The following PPP1R14C variants were observed in gnomAD, a reference collection of about 807,000 sequenced individuals.
PPP1R14C encodes the protein protein phosphatase 1 regulatory subunit 14C.
PPP1R14C carries 16 observed loss-of-function variants against 20.4 expected under a neutral mutation model. That is an observed-to-expected ratio of 0.78 (90% CI 0.53 to 1.19). The LOEUF is 1.19. PPP1R14C is among the 50% of genes most tolerant of loss of function. PPP1R14C has a pLI of 0.00. For synonymous variants in PPP1R14C, 91 were observed against 91.0 expected, an observed-to-expected ratio of 1.00 and a Z score of 0.00; for missense variants, 211 against 220.1, an observed-to-expected ratio of 0.96 and a Z score of 0.26.
At chr6:150,248,368 A>G (rs1461208740) in intron 3 of PPP1R14C, among the ~76,000 whole-genome samples, 2 of 152,128 alleles carry the variant, frequency 1.3e-5, no homozygotes, top group Non-Finnish European at 2.9e-5. Flanking sequence ...GCTAGTTGGA[A>G]ATGCAGAATC....
rs2114882812 is a variant in PPP1R14C at position 150,185,796 on chromosome 6, C to G, written c.307-28948C>G. Among the ~76,000 whole-genome samples, 1 of 152,278 alleles carries G rather than the reference C, an allele frequency of 6.6e-6. No individual in the cohort carries two copies. The highest frequency in any genetic ancestry group is 2.4e-5 in the African/African-American group (1 of 41,566). On this transcript the variant is annotated intron_variant, in intron 1 of 3. Coordinates refer to ENST00000361131, the MANE Select transcript of PPP1R14C (RefSeq NM_030949.3). The surrounding 1 kb of genome is among the most constrained non-coding windows in gnomAD (Gnocchi z 4.1). ...ACTCGTGCTGTGTAGCTTATATTGG[C>G]TGATGTAGGGGTTCTACCCTCACCA... is the stretch of plus-strand genomic sequence containing the variant.
chr6:150,164,343 G>T (rs571463020), intron 1 of PPP1R14C, among the ~76,000 whole-genome samples: 1 of 152,288 alleles, frequency 6.6e-6, no homozygotes, highest in South Asian at 2.1e-4. Flanking sequence ...TTCACTCTCT[G>T]AATGGTGACT....
At chr6:150,192,245 C>T (rs1351095793) in intron 1 of PPP1R14C, among the ~76,000 whole-genome samples, 1 of 152,142 alleles carries the variant, frequency 6.6e-6, no homozygotes, top group Non-Finnish European at 1.5e-5. Flanking sequence ...GTACTTGAGT[C>T]TGCTAGAGCA....
chr6:150,149,389 T>C (rs1347206454), intron 1 of PPP1R14C, among the ~76,000 whole-genome samples: 2 of 151,302 alleles, frequency 1.3e-5, no homozygotes, highest in Non-Finnish European at 2.9e-5. Flanking sequence ...GCAGTGGGGC[T>C]ATCACGGCTC....
chr6:150,149,028 GTACTCCAGCCT>G (rs1777211639), intron 1 of PPP1R14C, among the ~76,000 whole-genome samples: 1 of 151,830 alleles, frequency 6.6e-6, no homozygotes. Flanking sequence ...TCACACCACT[GTACTCCAGCCT>G]GGGCAACAGC....
In PPP1R14C at chr6:150,189,007, C is replaced by T. The variant is rs372107043; in HGVS notation, c.307-25737C>T. On this transcript the variant is annotated intron_variant, in intron 1 of 3. Transcript: ENST00000361131. The stretch of plus-strand genomic sequence containing the variant: ...CTGAGTAGCTGGGATCACAGGTGTG[C>T]GCCACCATGCCCGGCTAATTTTTGT... 5.9e-5 allele frequency among the ~76,000 whole-genome samples: 9 copies of T among 151,914 alleles called. No individual in the cohort carries two copies. The East Asian group carries it at 9.7e-4, about 16-fold the overall frequency.
At chr6:150,199,719 A>T (rs932431556) in intron 1 of PPP1R14C, among the ~76,000 whole-genome samples, 1 of 152,118 alleles carries the variant, frequency 6.6e-6, no homozygotes, top group Non-Finnish European at 1.5e-5. Flanking sequence ...AATTTTTAAC[A>T]TTAGCCAGGC....
intron 1 of PPP1R14C, among the ~76,000 whole-genome samples, chr6:150,164,103 G>A (rs970285459): frequency 4.6e-5 from 7 of 152,224 alleles, no homozygotes; most frequent in African/African-American, 7.2e-5. Context: ...ATTATGGTTC[G>A]AATTTACATT....
At chr6:150,146,613 C>T (rs902736279) in intron 1 of PPP1R14C, among the ~76,000 whole-genome samples, 7 of 152,278 alleles carry the variant, frequency 4.6e-5, no homozygotes, top group African/African-American at 1.2e-4. Context: ...TGTGTCCACT[C>T]GCACGCCCAG....
At chr6:150,155,215 G>C (rs1777292955) in intron 1 of PPP1R14C, among the ~76,000 whole-genome samples, 1 of 152,104 alleles carries the variant, frequency 6.6e-6, no homozygotes, top group African/African-American at 2.4e-5. Flanking sequence ...TTTCTGTTGG[G>C]GAGTTTATTC....
intron 3 of PPP1R14C, among the ~76,000 whole-genome samples, chr6:150,229,475 T>C (rs953504893): frequency 6.6e-6 from 1 of 152,160 alleles, no homozygotes; most frequent in African/African-American, 2.4e-5. Context: ...TGCTGTAAGA[T>C]TGAATCTAGG....
chr6:150,144,865 G>A (rs1777164835), intron 1 of PPP1R14C, among the ~76,000 whole-genome samples: 1 of 152,236 alleles, frequency 6.6e-6, no homozygotes, highest in South Asian at 2.1e-4. Flanking sequence ...AAGTATTCAT[G>A]AGATTTTTAT....
At chr6:150,187,090 G>T (rs9371344) in intron 1 of PPP1R14C, among the ~76,000 whole-genome samples, 3 of 151,668 alleles carry the variant, frequency 2.0e-5, no homozygotes, top group African/African-American at 7.3e-5. Flanking sequence ...ATTCTCCTGC[G>T]TCAGCCTCCT....
intron 1 of PPP1R14C, among the ~76,000 whole-genome samples, chr6:150,214,010 A>G (rs1288302971): frequency 6.6e-6 from 1 of 152,182 alleles, no homozygotes; most frequent in Non-Finnish European, 1.5e-5. Context: ...GCCTTTCTTC[A>G]GGGTTGTATG....
In PPP1R14C at chr6:150,248,920, CG is replaced by C. The variant is rs66951687; in HGVS notation, c.*101del. 0.024 allele frequency: 14,665 copies of C among 604,158 alleles called. 114 individuals carry two copies. Among genetic ancestry groups the C allele is most frequent in the Middle Eastern group, 0.039 (138 of 3,568 alleles). 37.4% of individuals were successfully genotyped at this position (604,158 alleles called of 1,614,324 possible). A position where few individuals can be genotyped will look rare whatever the true frequency, so the allele number is the denominator to read the frequency against. On this transcript the variant is annotated 3_prime_UTR_variant, in exon 4 of 4. Coordinates refer to ENST00000361131, the MANE Select transcript of PPP1R14C (RefSeq NM_030949.3). ...AAAGAATAGGTGTCCTTATGAACAA[CG>C]TTTTTGTTTTTTTTTTTTTCTTTTT...
intron 1 of PPP1R14C, among the ~76,000 whole-genome samples, chr6:150,180,438 A>G (rs570818191): frequency 1.2e-3 from 183 of 152,366 alleles, no homozygotes; most frequent in Middle Eastern, 6.8e-3. Flanking sequence ...TCTGCATGAA[A>G]GAGTGGCTGT....
intron 1 of PPP1R14C, among the ~76,000 whole-genome samples, chr6:150,191,089 T>A (rs1459505366): frequency 1.3e-5 from 2 of 152,174 alleles, no homozygotes; most frequent in East Asian, 3.9e-4. Flanking sequence ...ACATGTTTTC[T>A]CCTCTGGGCT....
intron 1 of PPP1R14C, among the ~76,000 whole-genome samples, chr6:150,203,976 C>T (rs557696633): frequency 1.1e-4 from 17 of 152,342 alleles, no homozygotes; most frequent in African/African-American, 3.6e-4. Flanking sequence ...TTATCCATTG[C>T]CTGTAGCCCA....
Position 150,185,140 on chromosome 6 carries a change from T to G in PPP1R14C, c.307-29604T>G, listed in dbSNP as rs979559117. 2.0e-5 allele frequency among the ~76,000 whole-genome samples: 3 copies of G among 152,240 alleles called. No individual in the cohort carries two copies. Among genetic ancestry groups the G allele is most frequent in the Non-Finnish European group, 4.4e-5 (3 of 68,036 alleles). ...TAGTAGCATTCTCACTTCCTGCTTT[T>G]CAGTTTGACTGGGTTGCAACGGGTC... On this transcript the variant is annotated intron_variant, in intron 1 of 3. Coordinates refer to ENST00000361131, the MANE Select transcript of PPP1R14C (RefSeq NM_030949.3). This position sits in a 1 kb window ranked among gnomAD's most constrained non-coding sequence, Gnocchi z 4.1.
Sources: allele counts gnomAD v4.1 joint callset (sites outside exome capture counted in the v4.1 genomes callset), GRCh38; gene constraint gnomAD v4.1.1; non-coding constraint Gnocchi (gnomAD v3.1); transcripts MANE v1.5; gene names NCBI Gene and HGNC (gene_info 2026-07-23, HGNC 2026-07-21).